FAM98B: variants seen among roughly 807,000 people sequenced by gnomAD.
The protein encoded by FAM98B is tRNA-splicing ligase complex subunit FAM98B.
A neutral mutation model predicts 43.9 loss-of-function variants in FAM98B; 32 were observed. The ratio of observed to expected loss-of-function variants is 0.73; its 90% confidence interval spans 0.55 to 0.98. FAM98B has a LOEUF of 0.98. Among genes scored for constraint, FAM98B ranks in the 50% least tolerant of loss-of-function variants. The pLI is 0.00. For synonymous variants in FAM98B, 190 were observed against 174.0 expected (o/e 1.09, Z -0.72); for missense variants, 514 against 522.9 (o/e 0.98, Z 0.17).
At chr15:38,465,180 T>A in intron 2 of FAM98B, 89 bp from the exon 3 acceptor site, 1 of 1,298,088 alleles carries the variant, frequency 7.7e-7, no homozygotes, top group Middle Eastern at 1.9e-4. Context: ...TAGAATTGAA[T>A]GTAAAATGGA....
At chr15:38,455,441 CAATT>C (rs1210470809) in intron 1 of FAM98B, among the ~76,000 whole-genome samples, 1 of 152,150 alleles carries the variant, frequency 6.6e-6, no homozygotes, top group Non-Finnish European at 1.5e-5. Flanking sequence ...GCCCCTCTAT[CAATT>C]GTTTCTTTAG....
intron 1 of FAM98B, among the ~76,000 whole-genome samples, chr15:38,457,225 C>T (rs531406449): frequency 6.6e-6 from 1 of 151,992 alleles, no homozygotes; most frequent in Admixed American, 6.6e-5. Context: ...GTTATGATAC[C>T]CGGGCTAGTC....
chr15:38,481,754 T>C, intron 7 of FAM98B: 2 of 820,492 alleles, frequency 2.4e-6, no homozygotes. Flanking sequence ...TTTTTGTCAG[T>C]AAGAATCTTT....
At position 38,465,343 on chromosome 15, in the gene FAM98B, C is replaced by T; in HGVS notation, c.292C>T (p.Leu98Phe). 3.7e-6 allele frequency: 6 copies of T among 1,610,922 alleles called. No individual in the cohort carries two copies. Among genetic ancestry groups the T allele is most frequent in the South Asian group, 1.1e-5 (1 of 90,386 alleles). The part of the protein sequence containing the change: ...LKEMACPYSV[L>F]ISGDIKDRLK... ...AGAAATGGCATGTCCATATTCTGTA[C>T]TCATATCAGGAGATATTAAAGATCG... The change falls in exon 3 of 8, where the codon CTC becomes TTC. Residue 98 changes from leucine (L) to phenylalanine (F), a missense_variant. By Grantham distance (22) the Leu-to-Phe change is conservative (BLOSUM62 0). This residue lies in a region of FAM98B where 469 missense variants were observed against 451.8 expected (regional missense o/e 1.04). Transcript: ENST00000397609.
chr15:38,475,613 C>T (rs1449506696), intron 6 of FAM98B, among the ~76,000 whole-genome samples: 2 of 152,150 alleles, frequency 1.3e-5, no homozygotes, highest in African/African-American at 2.4e-5. Context: ...ATTGTCACAT[C>T]GCCTTCTGTC....
intron 6 of FAM98B, among the ~76,000 whole-genome samples, chr15:38,476,703 CTTT>C (rs375386545): frequency 5.5e-5 from 7 of 127,816 alleles, no homozygotes; most frequent in Admixed American, 7.6e-5. Flanking sequence ...AGAAACTTTG[CTTT>C]TTTTTTTTTT....
At position 38,487,341 on chromosome 15, in the gene FAM98B, G is replaced by A. The variant is rs935243965; in HGVS notation, c.*2682G>A. On this transcript the variant is annotated 3_prime_UTR_variant, in exon 8 of 8. Coordinates refer to ENST00000397609, the MANE Select transcript of FAM98B (RefSeq NM_173611.4). ...GCATGACAACCTAAAAAAAATTTGT[G>A]ACCAGAAAAATGTCCTGAGCAGTGA... 6.6e-6 allele frequency: 1 copy of A among 152,042 alleles called. No individual in the cohort carries two copies. The highest frequency in any genetic ancestry group is 2.4e-5 in the African/African-American group (1 of 41,432). 9.4% of individuals were successfully genotyped at this position (152,042 alleles called of 1,614,324 possible). A position where few individuals can be genotyped will look rare whatever the true frequency, so the allele number is the denominator to read the frequency against.
rs571608305 is a variant in FAM98B, at chr15:38,459,942, G to A, written c.72-4090G>A. On this transcript the variant is annotated intron_variant, in intron 1 of 7. Coordinates refer to ENST00000397609, the MANE Select transcript of FAM98B (RefSeq NM_173611.4). ...CAGAGAGAGGTAGAGAGTTGGATGAGGGGCAAAGACAATAGGTTGGGTAAA... is the reference window on the plus strand; with the variant it reads ...CAGAGAGAGGTAGAGAGTTGGATGAAGGGCAAAGACAATAGGTTGGGTAAA... Among the ~76,000 whole-genome samples the A allele has an allele frequency of 7.9e-5, 12 of 152,348 alleles. No individual in the cohort carries two copies. The South Asian group carries it at 2.5e-3, about 32-fold the overall frequency.
In FAM98B at chr15:38,454,147, C is replaced by T; in HGVS notation, c.-15C>T. ...GGGCTACTTAGAGCGCCGAACAGCT[C>T]TGGGCCAAAGGACCATGAGAGGGCC... On this transcript the variant is annotated 5_prime_UTR_variant, in exon 1 of 8. Transcript: ENST00000397609. 2 of 1,589,276 alleles carry T rather than the reference C, an allele frequency of 1.3e-6. No individual in the cohort carries two copies. Among genetic ancestry groups the T allele is most frequent in the Non-Finnish European group, 8.6e-7 (1 of 1,169,342 alleles).
chr15:38,466,671 C>T (rs994768179), intron 3 of FAM98B, among the ~76,000 whole-genome samples: 1 of 151,618 alleles, frequency 6.6e-6, no homozygotes, highest in African/African-American at 2.4e-5. Flanking sequence ...GTGAGGAAGA[C>T]GAAAAAGTTC....
rs112024490 is a variant in FAM98B at position 38,462,830 on chromosome 15, C to T, written c.72-1202C>T. ...GTAGCAGATTATGTACTCTAAATAC[C>T]ATTAAAAGAATCGGGGCTCCTTGGA... On this transcript the variant is annotated intron_variant, in intron 1 of 7. Transcript: ENST00000397609. Among the ~76,000 whole-genome samples, 351 of 152,204 alleles carry T rather than the reference C, an allele frequency of 2.3e-3. 1 individual carries two copies. The highest frequency in any genetic ancestry group is 7.7e-3 in the African/African-American group (321 of 41,520).
rs1017327235 is a variant in FAM98B at position 38,487,509 on chromosome 15, C to T, written c.*2850C>T. The stretch of plus-strand genomic sequence containing the variant: ...CTTTGTATGAAGTATTATGAATTGC[C>T]CAAATGATAAATACACCCCCATCTA... On this transcript the variant is annotated 3_prime_UTR_variant, in exon 8 of 8. Coordinates refer to ENST00000397609, the MANE Select transcript of FAM98B (RefSeq NM_173611.4). 2 of 151,922 alleles carry T rather than the reference C, an allele frequency of 1.3e-5. No individual in the cohort carries two copies. The highest frequency in any genetic ancestry group is 4.8e-5 in the African/African-American group (2 of 41,386). The allele number at this position is 151,922 out of a possible 1,614,324, so 9.4% of individuals were successfully genotyped here.
intron 7 of FAM98B, chr15:38,481,920 T>G (rs1182346511): frequency 8.8e-6 from 2 of 228,430 alleles, no homozygotes; most frequent in Admixed American, 1.0e-4. Context: ...TCTTTGAGCT[T>G]CTGTTTCCTG....
At position 38,470,239 on chromosome 15, in the gene FAM98B, C is replaced by A; in HGVS notation, c.365C>A (p.Thr122Lys). ...DCLKLLLFLS[T>K]ELQASQILQN... Reference sequence around the variant, plus strand: ...CTCTTTATTGTAGTATTTTTAAGTACAGAACTTCAAGCTTCACAGATATTA... The same window carrying A: ...CTCTTTATTGTAGTATTTTTAAGTAAAGAACTTCAAGCTTCACAGATATTA... The change falls in exon 4 of 8, where the codon ACA becomes AAA. Residue 122 changes from threonine to lysine, a missense_variant. Transcript: ENST00000397609. The A allele has an allele frequency of 6.8e-7, 1 of 1,473,864 alleles. No individual in the cohort carries two copies. Among genetic ancestry groups the A allele is most frequent in the Non-Finnish European group, 9.1e-7 (1 of 1,096,494 alleles). 91.3% of individuals were successfully genotyped at this position (1,473,864 alleles called of 1,614,324 possible). A position where few individuals can be genotyped will look rare whatever the true frequency, so the allele number is the denominator to read the frequency against.
In FAM98B at chr15:38,484,241, G is replaced by C. The variant is rs1228434400; in HGVS notation, c.898-14G>C. ...GAAATATTAGGAACTAAAAGAAAAT[G>C]TTTCTTCACACAGGTGCTGATGGGA... On this transcript the variant is annotated splice_polypyrimidine_tract_variant and intron_variant, in intron 7 of 7. Transcript: ENST00000397609. 1.1e-5 allele frequency: 17 copies of C among 1,544,700 alleles called. No individual in the cohort carries two copies. The highest frequency in any genetic ancestry group is 1.4e-5 in the Non-Finnish European group (16 of 1,144,774).
chr15:38,468,811 T>C (rs1269063445), intron 3 of FAM98B, among the ~76,000 whole-genome samples: 2 of 152,186 alleles, frequency 1.3e-5, no homozygotes, highest in Non-Finnish European at 2.9e-5. Context: ...TTTTAAATTG[T>C]TTTTCAGATG....
chr15:38,455,685 C>G (rs62002919), intron 1 of FAM98B, among the ~76,000 whole-genome samples: 1,741 of 152,320 alleles, frequency 0.011, 20 homozygotes, highest in Non-Finnish European at 0.019. Context: ...ACAGTTTGAG[C>G]TCCCAAGTAC....
intron 6 of FAM98B, among the ~76,000 whole-genome samples, chr15:38,475,473 G>C (rs1890183553): frequency 6.6e-6 from 1 of 152,172 alleles, no homozygotes; most frequent in African/African-American, 2.4e-5. Context: ...TCCTTTAGGG[G>C]AGAATCTGTT....
intron 7 of FAM98B, 106 bp from the exon 8 acceptor site, chr15:38,484,149 T>C (rs1232355226): frequency 3.1e-6 from 3 of 977,604 alleles, no homozygotes; most frequent in Non-Finnish European, 4.6e-6. Context: ...GGTACTTTCA[T>C]GTCCTTAAAT....
Sources: allele counts gnomAD v4.1 joint callset (sites outside exome capture counted in the v4.1 genomes callset), GRCh38; gene constraint gnomAD v4.1.1; regional missense constraint gnomAD v4.1.1; transcripts MANE v1.5; gene names NCBI Gene and HGNC (gene_info 2026-07-23, HGNC 2026-07-21).